The following PPP3CC variants were observed in gnomAD, a reference collection of about 807,000 sequenced individuals.
PPP3CC encodes protein phosphatase 3 catalytic subunit gamma, also known as serine/threonine-protein phosphatase 2B catalytic subunit gamma isoform.
PPP3CC carries 35 observed loss-of-function variants against 60.3 expected under a neutral mutation model. The ratio of observed to expected loss-of-function variants is 0.58; its 90% CI spans 0.44 to 0.77. The LOEUF (loss-of-function observed/expected upper bound fraction) is 0.77. Ranked by LOEUF, PPP3CC falls within the 30% of genes least tolerant of loss-of-function variation. PPP3CC has a pLI of 0.00. For missense variants in PPP3CC, 570 were observed against 628.9 expected, an observed-to-expected ratio of 0.91 and a Z score of 1.00; for synonymous variants, 206 against 224.3, an observed-to-expected ratio of 0.92 and a Z score of 0.73.
At chr8:22,459,573 T>C (rs1485503647) in intron 1 of PPP3CC, among the ~76,000 whole-genome samples, 1 of 152,206 alleles carries the variant, frequency 6.6e-6, no homozygotes, top group African/African-American at 2.4e-5. Context: ...ATTTGTCACA[T>C]GTTATGCCTA....
intron 9 of PPP3CC, 53 bp from the exon 10 acceptor site, chr8:22,528,453 A>T: frequency 8.1e-7 from 1 of 1,237,444 alleles, no homozygotes; most frequent in Non-Finnish European, 1.1e-6. Flanking sequence ...ACATTATTTT[A>T]GAGAAAGTAC....
At chr8:22,505,119 C>T (rs1034693947) in intron 4 of PPP3CC, among the ~76,000 whole-genome samples, 1 of 151,342 alleles carries the variant, frequency 6.6e-6, no homozygotes, top group Admixed American at 6.6e-5. Flanking sequence ...CTCCGCCTCC[C>T]AAGTTCAAGT....
intron 12 of PPP3CC, among the ~76,000 whole-genome samples, 154 bp downstream of exon 12, chr8:22,533,172 T>C (rs984774502): frequency 2.0e-5 from 3 of 152,164 alleles, no homozygotes; most frequent in African/African-American, 7.2e-5. Flanking sequence ...CTTCCCTCCA[T>C]ACAGAAAACC....
At chr8:22,478,215 G>A (rs796182102) in intron 3 of PPP3CC, among the ~76,000 whole-genome samples, 1 of 151,412 alleles carries the variant, frequency 6.6e-6, no homozygotes, top group African/African-American at 2.4e-5. Context: ...GCAGTGGCAC[G>A]ATCTTGGCTC....
intron 3 of PPP3CC, among the ~76,000 whole-genome samples, chr8:22,496,654 C>T (rs147755760): frequency 1.9e-4 from 29 of 151,724 alleles, no homozygotes; most frequent in Middle Eastern, 3.4e-3. Flanking sequence ...CTTGCCACTA[C>T]GCCCAGCTAA....
intron 12 of PPP3CC, among the ~76,000 whole-genome samples, chr8:22,537,945 C>T (rs1839879778): frequency 6.6e-6 from 1 of 152,122 alleles, no homozygotes; most frequent in Admixed American, 6.6e-5. Flanking sequence ...GGGGATTTCT[C>T]ATTGGGGCAA....
chr8:22,441,463 C>G lies in PPP3CC; in HGVS notation c.49+5C>G. ...CCACCGACCGCGTCATCAAAGGTGC[C>G]TGGCGGGCCGGGCCTTCCTCTGGGA... is the stretch of plus-strand genomic sequence containing the variant. On this transcript the variant is annotated splice_donor_5th_base_variant and intron_variant, in intron 1 of 13. Transcript: ENST00000240139. 1 of 1,538,954 alleles carries G rather than the reference C, an allele frequency of 6.5e-7. No homozygotes were observed. Among genetic ancestry groups the G allele is most frequent in the South Asian group, 1.2e-5 (1 of 82,220 alleles).
intron 1 of PPP3CC, among the ~76,000 whole-genome samples, chr8:22,451,172 G>C (rs1207436515): frequency 6.8e-6 from 1 of 147,712 alleles, no homozygotes; most frequent in East Asian, 2.0e-4. Flanking sequence ...GTCTCACTCT[G>C]TCTCCCAGGC....
intron 10 of PPP3CC, 33 bp downstream of exon 10, chr8:22,528,610 A>G: frequency 6.9e-7 from 1 of 1,445,772 alleles, no homozygotes; most frequent in African/African-American, 1.4e-5. Flanking sequence ...TAAAACTAGA[A>G]AGAGGTTTGG....
intron 6 of PPP3CC, among the ~76,000 whole-genome samples, chr8:22,519,047 T>C (rs1839333518): frequency 6.6e-6 from 1 of 152,204 alleles, no homozygotes; most frequent in Non-Finnish European, 1.5e-5. Context: ...GCTTTATATA[T>C]TTAGGTGCTT....
At chr8:22,516,858 G>T (rs936649479) in intron 6 of PPP3CC, among the ~76,000 whole-genome samples, 4 of 152,052 alleles carry the variant, frequency 2.6e-5, no homozygotes, top group Non-Finnish European at 4.4e-5. Flanking sequence ...GAGAAAATAT[G>T]CGAGTGTTAG....
intron 1 of PPP3CC, among the ~76,000 whole-genome samples, chr8:22,456,802 A>G (rs1347576632): frequency 1.3e-5 from 2 of 152,142 alleles, no homozygotes; most frequent in Non-Finnish European, 2.9e-5. Context: ...ATTGTTTTTA[A>G]TCATGTGCAA....
chr8:22,442,815 T>G (rs961118606), intron 1 of PPP3CC, among the ~76,000 whole-genome samples: 8 of 152,250 alleles, frequency 5.3e-5, no homozygotes, highest in Non-Finnish European at 1.0e-4. Flanking sequence ...ATTTCTGTAC[T>G]GTGCTGTTAA....
At chr8:22,518,778 C>A (rs1250903434) in intron 6 of PPP3CC, among the ~76,000 whole-genome samples, 1 of 152,172 alleles carries the variant, frequency 6.6e-6, no homozygotes, top group Admixed American at 6.5e-5. Context: ...CCTCCGCTTC[C>A]TGGGTTCAAG....
At position 22,472,363 on chromosome 8, in the gene PPP3CC, A is replaced by AACACACACACACACACACACACACAC. The variant is rs71546810; in HGVS notation, c.50-2572_50-2547dup. On this transcript the variant is annotated intron_variant, in intron 1 of 13. Coordinates refer to ENST00000240139, the MANE Select transcript of PPP3CC (RefSeq NM_005605.5). ...CTTTTAGAATATTTTGGTAAAAATG[A>AACACACACACACACACACACACACAC]ACACACACACACACACACACACACA... is the stretch of plus-strand genomic sequence containing the variant. Among the ~76,000 whole-genome samples, 149 of 125,712 alleles carry AACACACACACACACACACACACACAC rather than the reference A, an allele frequency of 1.2e-3. 4 individuals carry two copies. The highest frequency in any genetic ancestry group is 2.6e-3 in the African/African-American group (84 of 32,456). 82.5% of individuals were successfully genotyped at this position (125,712 alleles called of 152,430 possible).
intron 1 of PPP3CC, among the ~76,000 whole-genome samples, chr8:22,463,095 A>G (rs899897326): frequency 6.6e-6 from 1 of 152,176 alleles, no homozygotes; most frequent in African/African-American, 2.4e-5. Flanking sequence ...AGTAAGGAAA[A>G]GTTATCTGTT....
chr8:22,530,302 G>A (rs765708128), intron 10 of PPP3CC, among the ~76,000 whole-genome samples: 79 of 148,868 alleles, frequency 5.3e-4, no homozygotes, highest in Non-Finnish European at 1.0e-3. Flanking sequence ...TAAAAATGCA[G>A]AAATCAACCA....
At position 22,522,139 on chromosome 8, in the gene PPP3CC, GCACACA is replaced by G. The variant is rs35520234; in HGVS notation, c.771-334_771-329del. 5.1e-3 allele frequency among the ~76,000 whole-genome samples: 761 copies of G among 148,922 alleles called. 5 individuals carry two copies. Among genetic ancestry groups the G allele is most frequent in the African/African-American group, 0.015 (625 of 40,738 alleles). Reference sequence around the variant, plus strand: ...TTTTTAGCATCTACTACACACACACGCACACACACACACACACACACACTACTGTTG... The same window carrying G: ...TTTTTAGCATCTACTACACACACACGCACACACACACACACACTACTGTTG... On this transcript the variant is annotated intron_variant, in intron 6 of 13. Coordinates refer to ENST00000240139, the MANE Select transcript of PPP3CC (RefSeq NM_005605.5).
At chr8:22,484,378 A>G (rs1485228186) in intron 3 of PPP3CC, among the ~76,000 whole-genome samples, 2 of 152,306 alleles carry the variant, frequency 1.3e-5, no homozygotes, top group Middle Eastern at 3.4e-3. Flanking sequence ...ACAGATATAC[A>G]TACTTATAAA....
Sources: gnomAD v4.1 joint callset for allele counts (sites outside exome capture counted in the v4.1 genomes callset) on GRCh38, gnomAD v4.1.1 for gene constraint, MANE v1.5 for transcripts, NCBI Gene and HGNC (gene_info 2026-07-23, HGNC 2026-07-21) for gene names.